Variants in R3HCC1L observed in about 807,000 individuals in gnomAD.
R3HCC1L encodes the protein coiled-coil domain-containing protein R3HCC1L.
A neutral mutation model predicts 59.9 loss-of-function variants in R3HCC1L; 51 were observed. The observed-to-expected ratio is 0.85, with a 90% confidence interval of 0.68 to 1.07. R3HCC1L has a LOEUF of 1.07. Among genes scored for constraint, R3HCC1L ranks in the 50% least tolerant of loss-of-function variants. The probability of loss-of-function intolerance (pLI) is 0.00; values close to 1 mark genes in which losing one functional copy is unlikely to be tolerated. For synonymous variants in R3HCC1L, 322 were observed against 315.2 expected, an observed-to-expected ratio of 1.02 and a Z score of -0.23; for missense variants, 965 against 933.0, an observed-to-expected ratio of 1.03 and a Z score of -0.45.
intron 4 of R3HCC1L, among the ~76,000 whole-genome samples, chr10:98,182,418 G>T (rs1340581538): frequency 6.6e-6 from 1 of 152,118 alleles, no homozygotes; most frequent in Non-Finnish European, 1.5e-5. Context: ...CTTCATCTCA[G>T]AGGGGCACCT....
chr10:98,231,624 A>T lies in R3HCC1L; in HGVS notation c.1898A>T (p.Glu633Val). The change falls in exon 6 of 10, where the codon GAA becomes GTA. Residue 633 changes from glutamate (E) to valine (V), a missense_variant. Coordinates refer to ENST00000298999, the MANE Select transcript of R3HCC1L (RefSeq NM_001351015.2). ...GATTGTGAATTCCCACATGTCATTG[A>T]AATTTATGACTTTCCCCAAGAATTT... ...LSDCEFPHVI[E>V]IYDFPQEFHT... The T allele has an allele frequency of 6.2e-7, 1 of 1,612,814 alleles. No homozygotes were observed. Among genetic ancestry groups the T allele is most frequent in the Non-Finnish European group, 8.5e-7 (1 of 1,179,064 alleles).
rs752506296 is a variant in R3HCC1L at position 98,209,852 on chromosome 10, A to G, written c.1738A>G (p.Met580Val). Residue 580 changes from methionine to valine, a missense_variant, in exon 5 of 10, where the codon ATG (methionine) becomes GTG (valine). By Grantham distance (21) the Met-to-Val change is conservative. Coordinates refer to ENST00000298999, the MANE Select transcript of R3HCC1L (RefSeq NM_001351015.2). ...TGCCATTGAGGAGAGCTGGGAGTCT[A>G]TGTTTAACGATGATGGTGACTGCCT... is the stretch of plus-strand genomic sequence containing the variant. ...ITAIEESWES[M>V]FNDDGDCLDP... 28 of 1,613,510 alleles carry G rather than the reference A, an allele frequency of 1.7e-5. No individual in the cohort carries two copies. The highest frequency in any genetic ancestry group is 4.4e-5 in the South Asian group (4 of 91,012).
In R3HCC1L at chr10:98,148,393, A is replaced by G. The variant is rs138848910; in HGVS notation, c.-267-7700A>G. 2.3e-3 allele frequency among the ~76,000 whole-genome samples: 352 copies of G among 152,118 alleles called. 2 individuals carry two copies. The highest frequency in any genetic ancestry group is 8.0e-3 in the African/African-American group (332 of 41,518). On this transcript the variant is annotated intron_variant, in intron 1 of 9. Coordinates refer to ENST00000298999, the MANE Select transcript of R3HCC1L (RefSeq NM_001351015.2). Reference sequence around the variant, plus strand: ...GCCCTGTATTTCTTTCTCTTGCCTTATTGCTCTGGCCAGAACTTCCAGTAT... The same window carrying G: ...GCCCTGTATTTCTTTCTCTTGCCTTGTTGCTCTGGCCAGAACTTCCAGTAT...
rs756440903 is a variant in R3HCC1L, at chr10:98,208,150, C to G, written c.36C>G (p.Ala12=). 3.1e-6 allele frequency: 5 copies of G among 1,613,356 alleles called. No homozygotes were observed. The African/African-American group carries it at 6.7e-5, about 22-fold the overall frequency. The change falls in exon 5 of 10, where the codon GCC becomes GCG. Residue 12 remains alanine (A), a synonymous_variant. Transcript: ENST00000298999. Reference sequence around the variant, plus strand: ...AATCAGAGAGATGCAGAGTTAGAGCCAGAAGGCCTGACATGGCACTTTATG... The same window carrying G: ...AATCAGAGAGATGCAGAGTTAGAGCGAGAAGGCCTGACATGGCACTTTATG... The part of the protein sequence containing the change: ...QQESERCRVR[A]RRPDMALYVP...
chr10:98,182,487 G>A (rs1244078261), intron 4 of R3HCC1L, among the ~76,000 whole-genome samples: 1 of 152,108 alleles, frequency 6.6e-6, no homozygotes, highest in African/African-American at 2.4e-5. Flanking sequence ...AGGCTACATG[G>A]GGGGTCAGGG....
At chr10:98,156,827 G>A (rs906387247) in intron 2 of R3HCC1L, among the ~76,000 whole-genome samples, 6 of 152,118 alleles carry the variant, frequency 3.9e-5, no homozygotes, top group South Asian at 2.1e-4. Flanking sequence ...TTTTACAATC[G>A]AATGGGTGTA....
chr10:98,206,054 G>T (rs1289507507), intron 4 of R3HCC1L, among the ~76,000 whole-genome samples: 1 of 152,078 alleles, frequency 6.6e-6, no homozygotes, highest in East Asian at 1.9e-4. Flanking sequence ...AAGAAATCTT[G>T]TCTCTTTTAT....
intron 4 of R3HCC1L, among the ~76,000 whole-genome samples, chr10:98,170,472 C>T (rs1304734967): frequency 3.3e-5 from 5 of 152,250 alleles, no homozygotes; most frequent in East Asian, 1.9e-4. Flanking sequence ...TATGTGCTAC[C>T]GTTCCCAGCT....
intron 5 of R3HCC1L, among the ~76,000 whole-genome samples, chr10:98,228,977 G>A (rs1856013165): frequency 6.6e-6 from 1 of 152,036 alleles, no homozygotes; most frequent in African/African-American, 2.4e-5. Context: ...TGCTGTTTTG[G>A]TTACTGTAGC....
At chr10:98,180,183 T>C (rs922518630) in intron 4 of R3HCC1L, among the ~76,000 whole-genome samples, 84 of 152,356 alleles carry the variant, frequency 5.5e-4, no homozygotes, top group African/African-American at 2.0e-3. Flanking sequence ...TGCTTTCTCT[T>C]GTGGGCATTT....
intron 9 of R3HCC1L, among the ~76,000 whole-genome samples, chr10:98,239,768 GCT>G (rs1158736621): frequency 1.3e-5 from 2 of 152,114 alleles, no homozygotes; most frequent in Non-Finnish European, 2.9e-5. Context: ...CACGATCACA[GCT>G]CTCTGCAGCC....
At chr10:98,202,736 CAGCTACTCACTTG>C (rs1209820860) in intron 4 of R3HCC1L, among the ~76,000 whole-genome samples, 3 of 152,002 alleles carry the variant, frequency 2.0e-5, no homozygotes, top group Non-Finnish European at 4.4e-5. Context: ...CCTGTAGTCC[CAGCTACTCACTTG>C]GGAGACTGAG....
At chr10:98,154,182 CAAAAA>C (rs61379048) in intron 1 of R3HCC1L, among the ~76,000 whole-genome samples, 7 of 92,822 alleles carry the variant, frequency 7.5e-5, no homozygotes, top group East Asian at 3.2e-4. Flanking sequence ...AGAGAATAAG[CAAAAA>C]AAAAAAAAAA....
Position 98,208,342 on chromosome 10 carries a change from T to C in R3HCC1L, c.228T>C (p.Asp76=), listed in dbSNP as rs1554846779. 1 of 1,614,098 alleles carries C rather than the reference T, an allele frequency of 6.2e-7. No homozygotes were observed. Among genetic ancestry groups the C allele is most frequent in the Admixed American group, 1.7e-5 (1 of 60,006 alleles). ...CTCGAAGACTAAATATCAATCCTGA[T>C]AGAAAGGAGCATAATTGTAGAGAAG... is the stretch of plus-strand genomic sequence containing the variant. The part of the protein sequence containing the change: ...PEARRLNINP[D]RKEHNCREEK... The change falls in exon 5 of 10, where the codon GAT becomes GAC. Residue 76 remains aspartate, a synonymous_variant. Coordinates refer to ENST00000298999, the MANE Select transcript of R3HCC1L (RefSeq NM_001351015.2).
At chr10:98,229,854 G>T (rs1025561455) in intron 5 of R3HCC1L, among the ~76,000 whole-genome samples, 31 of 152,176 alleles carry the variant, frequency 2.0e-4, no homozygotes, top group African/African-American at 6.3e-4. Flanking sequence ...AGTTTTTGTT[G>T]TTGGTTCTGT....
At chr10:98,169,884 CTTTT>C (rs1195433216) in intron 4 of R3HCC1L, among the ~76,000 whole-genome samples, 2 of 128,386 alleles carry the variant, frequency 1.6e-5, no homozygotes, top group African/African-American at 2.9e-5. Context: ...CTAACACAAC[CTTTT>C]TTTTTTTTTT....
intron 5 of R3HCC1L, among the ~76,000 whole-genome samples, chr10:98,224,285 A>T (rs1855408929): frequency 6.6e-6 from 1 of 152,044 alleles, no homozygotes; most frequent in Non-Finnish European, 1.5e-5. Flanking sequence ...TGTGGGGAAT[A>T]ATTGGCATGT....
chr10:98,152,432 A>G (rs1223043209), intron 1 of R3HCC1L, among the ~76,000 whole-genome samples: 2 of 143,824 alleles, frequency 1.4e-5, no homozygotes, highest in Non-Finnish European at 3.0e-5. Context: ...GGATGTGAGG[A>G]GCCCCTCTGC....
At chr10:98,216,120 A>G (rs932523408) in intron 5 of R3HCC1L, among the ~76,000 whole-genome samples, 7 of 152,188 alleles carry the variant, frequency 4.6e-5, no homozygotes, top group Admixed American at 1.3e-4. Context: ...AATTTTCTTC[A>G]TGATTAACCA....
Sources: gnomAD v4.1 joint callset for allele counts (sites outside exome capture counted in the v4.1 genomes callset) on GRCh38, gnomAD v4.1.1 for gene constraint, MANE v1.5 for transcripts, NCBI Gene and HGNC (gene_info 2026-07-23, HGNC 2026-07-21) for gene names.